ABCC10: variants seen among roughly 807,000 people sequenced by gnomAD.
The protein encoded by ABCC10 is ATP binding cassette subfamily C member 10.
A neutral mutation model predicts 143.2 loss-of-function variants in ABCC10; 110 were observed. The ratio of observed to expected loss-of-function variants is 0.77; its 90% CI spans 0.66 to 0.90. The LOEUF is 0.90. ABCC10 is among the 40% of genes least tolerant of loss of function. The pLI is 0.00. For synonymous variants in ABCC10, 805 were observed against 846.7 expected, an observed-to-expected ratio of 0.95 and a Z score of 0.85; for missense variants, 1,700 against 1,900.5, an observed-to-expected ratio of 0.89 and a Z score of 1.96.
In ABCC10 at chr6:43,447,675, C is replaced by T; in HGVS notation, c.3706-9C>T. 1.2e-6 allele frequency: 2 copies of T among 1,613,822 alleles called. No individual in the cohort carries two copies. Among genetic ancestry groups the T allele is most frequent in the Non-Finnish European group, 8.5e-7 (1 of 1,179,846 alleles). On this transcript the variant is annotated splice_polypyrimidine_tract_variant and intron_variant, in intron 17 of 21. Coordinates refer to ENST00000372530, the MANE Select transcript of ABCC10 (RefSeq NM_001198934.2). ...TCCCCGTCTGTCTCCCACCCATGGA[C>T]CCCACCAGCTGGGCACCGGCTGGCT...
At chr6:43,449,825 G>A (rs371736158) in intron 21 of ABCC10, 104 bp from the exon 22 acceptor site, 2 of 1,365,934 alleles carry the variant, frequency 1.5e-6, no homozygotes, top group South Asian at 2.6e-5. Flanking sequence ...AGCCTGTGGG[G>A]ACAGACCTGT....
chr6:43,436,597 G>A (rs372684825), intron 6 of ABCC10, among the ~76,000 whole-genome samples: 2 of 152,324 alleles, frequency 1.3e-5, no homozygotes, highest in South Asian at 4.1e-4. Flanking sequence ...GAGAGGCCCA[G>A]CAAGTGCTTC....
intron 8 of ABCC10, 58 bp from the exon 9 acceptor site, chr6:43,441,804 G>T: frequency 7.1e-7 from 1 of 1,413,024 alleles, no homozygotes; most frequent in South Asian, 1.2e-5. Flanking sequence ...AAAGGGATAG[G>T]AAGTGGGCCA....
intron 7 of ABCC10, 22 bp downstream of exon 7, chr6:43,438,035 C>T: frequency 6.2e-7 from 1 of 1,604,622 alleles, no homozygotes; most frequent in Non-Finnish European, 8.5e-7. Context: ...CCTATGCACC[C>T]CTGTCCTTAC....
intron 15 of ABCC10, 92 bp downstream of exon 15, chr6:43,446,034 C>A: frequency 7.2e-7 from 1 of 1,397,232 alleles, no homozygotes; most frequent in Non-Finnish European, 9.6e-7. Flanking sequence ...ATGGTTGGTT[C>A]AGCCCTCCTG....
chr6:43,431,643 T>C (rs766440951), intron 2 of ABCC10: 5 of 267,774 alleles, frequency 1.9e-5, no homozygotes, highest in Non-Finnish European at 2.9e-5. Context: ...ATTACAGGCG[T>C]GAGCCACGGC....
In ABCC10 at chr6:43,447,325, A is replaced by T. The variant is rs1380230162; in HGVS notation, c.3622A>T (p.Thr1208Ser). The stretch of plus-strand genomic sequence containing the variant: ...GGGCCTGGTGAGCAGCTTCACACAG[A>T]CAGAGGCCATGCTGGTGAGCGTCGA... ...LSGLVSSFTQ[T>S]EAMLVSVERL... is the part of the protein sequence containing the mutation. Residue 1208 changes from threonine to serine, a missense_variant, in exon 17 of 22, where the codon ACA becomes TCA. Thr to Ser is a moderately conservative substitution (Grantham distance 58). Coordinates refer to ENST00000372530, the MANE Select transcript of ABCC10 (RefSeq NM_001198934.2). 1 of 1,613,482 alleles carries T rather than the reference A, an allele frequency of 6.2e-7. No individual in the cohort carries two copies. The highest frequency in any genetic ancestry group is 1.3e-5 in the African/African-American group (1 of 74,892).
intron 2 of ABCC10, among the ~76,000 whole-genome samples, chr6:43,429,478 G>A (rs144318380): frequency 1.0e-3 from 153 of 148,860 alleles, no homozygotes; most frequent in African/African-American, 3.7e-3. Context: ...TGTTGCCCAG[G>A]CTGAAGTACA....
chr6:43,445,376 C>T (rs1782938976), intron 14 of ABCC10, 62 bp downstream of exon 14: 1 of 1,534,128 alleles, frequency 6.5e-7, no homozygotes, highest in Non-Finnish European at 8.9e-7. Context: ...AGTGTCCTCC[C>T]AATACTCGGG....
chr6:43,437,591 C>T (rs1022807449), intron 6 of ABCC10, among the ~76,000 whole-genome samples: 2 of 152,136 alleles, frequency 1.3e-5, no homozygotes, highest in African/African-American at 4.8e-5. Flanking sequence ...TGGAATTCTA[C>T]CCTTCCCTCT....
In ABCC10 at chr6:43,443,107, G is replaced by A. The variant is rs998509753; in HGVS notation, c.2364G>A (p.Leu788=). ...TCTGCACCCACCGCACTGAGTACCT[G>A]GAGAGGGCTGACGCGGTGCTGCTGA... ...RLLCTHRTEY[L]ERADAVLLME... is the part of the protein sequence containing the mutation. The change falls in exon 10 of 22, where the codon CTG becomes CTA. Residue 788 remains leucine, a synonymous_variant. Transcript: ENST00000372530. The surrounding 1 kb of genome is among the most constrained non-coding windows in gnomAD (Gnocchi z 4.2). 3.1e-6 allele frequency: 5 copies of A among 1,611,434 alleles called. No homozygotes were observed. The highest frequency in any genetic ancestry group is 4.2e-6 in the Non-Finnish European group (5 of 1,179,900).
In ABCC10 at chr6:43,432,389, G is replaced by T; in HGVS notation, c.409G>T (p.Ala137Ser). The part of the protein sequence containing the change: ...HGHSRGPLAL[A>S]LVALLPAPAL... ...CCACTCCCGGGGTCCCTTGGCCTTG[G>T]CCCTGGTAGCCTTGCTGCCAGCTCC... is the stretch of plus-strand genomic sequence containing the variant. Residue 137 changes from alanine to serine, a missense_variant, in exon 3 of 22, where the codon GCC becomes TCC. Transcript: ENST00000372530. 6.2e-7 allele frequency: 1 copy of T among 1,612,520 alleles called. No individual in the cohort carries two copies. Among genetic ancestry groups the T allele is most frequent in the Non-Finnish European group, 8.5e-7 (1 of 1,180,026 alleles).
At chr6:43,433,521 T>C (rs1162359591) in intron 3 of ABCC10, among the ~76,000 whole-genome samples, 161 bp downstream of exon 3, 1 of 152,210 alleles carries the variant, frequency 6.6e-6, no homozygotes, top group African/African-American at 2.4e-5. Flanking sequence ...GCTCTACACT[T>C]ACTGGTTCAA....
Position 43,445,648 on chromosome 6 carries a change from G to T in ABCC10, c.3080G>T (p.Arg1027Leu). 2 of 1,613,954 alleles carry T rather than the reference G, an allele frequency of 1.2e-6. No individual in the cohort carries two copies. Among genetic ancestry groups the T allele is most frequent in the South Asian group, 1.1e-5 (1 of 91,080 alleles). ...NATPTGRILNRFSSDVACADD... is the reference protein window; with the variant it reads ...NATPTGRILNLFSSDVACADD... Reference sequence around the variant, plus strand: ...ACACCCACGGGCCGGATCCTAAACCGCTTCTCCTCTGATGTGGCCTGTGCG... The same window carrying T: ...ACACCCACGGGCCGGATCCTAAACCTCTTCTCCTCTGATGTGGCCTGTGCG... Residue 1027 changes from arginine (R) to leucine (L), a missense_variant, in exon 15 of 22, where the codon CGC becomes CTC. Arg to Leu is a moderately radical substitution (Grantham distance 102, BLOSUM62 -2). Coordinates refer to ENST00000372530, the MANE Select transcript of ABCC10 (RefSeq NM_001198934.2).
At chr6:43,436,050 T>C in intron 5 of ABCC10, 88 bp from the exon 6 acceptor site, 16 of 1,606,090 alleles carry the variant, frequency 1.0e-5, no homozygotes, top group Non-Finnish European at 1.3e-5. Context: ...CAGGTAGATA[T>C]GGGGCTGGCA....
intron 3 of ABCC10, 64 bp downstream of exon 3, chr6:43,433,424 T>A: frequency 6.6e-7 from 1 of 1,516,098 alleles, no homozygotes; most frequent in Non-Finnish European, 8.8e-7. Flanking sequence ...TCCCCAGGTC[T>A]TCCCATGCAC....
chr6:43,429,371 CTTGTGTGTGTGT>C (rs1780866687), intron 2 of ABCC10, among the ~76,000 whole-genome samples: 2 of 79,538 alleles, frequency 2.5e-5, no homozygotes, highest in East Asian at 2.7e-4. Context: ...TCTTTTCTTT[CTTGTGTGTGTGT>C]GTGTGTGTGT....
In ABCC10 at chr6:43,444,295, G is replaced by T. The variant is rs1466796175; in HGVS notation, c.2631G>T (p.Trp877Cys). The change falls in exon 12 of 22, where the codon TGG becomes TGT. Residue 877 changes from tryptophan (W) to cysteine (C), a missense_variant. By Grantham distance (215) the Trp-to-Cys change is radical. Coordinates refer to ENST00000372530, the MANE Select transcript of ABCC10 (RefSeq NM_001198934.2). ...CCTTGCACGTGTACCAAGCTTACTGGAAGGCCGTGGGCCAGGGCTTGGCCT... is the reference window on the plus strand; with the variant it reads ...CCTTGCACGTGTACCAAGCTTACTGTAAGGCCGTGGGCCAGGGCTTGGCCT... ...AVALHVYQAY[W>C]KAVGQGLALA... 5 of 1,614,076 alleles carry T rather than the reference G, an allele frequency of 3.1e-6. No individual in the cohort carries two copies. Among genetic ancestry groups the T allele is most frequent in the Non-Finnish European group, 4.2e-6 (5 of 1,180,008 alleles).
At chr6:43,438,561 G>A (rs1320507089) in intron 7 of ABCC10, 63 bp from the exon 8 acceptor site, 11 of 1,577,934 alleles carry the variant, frequency 7.0e-6, no homozygotes, top group Admixed American at 3.5e-5. Context: ...AGGAGTCAAG[G>A]GCTGGGCATG....
Sources: allele counts gnomAD v4.1 joint callset (sites outside exome capture counted in the v4.1 genomes callset), GRCh38; gene constraint gnomAD v4.1.1; non-coding constraint Gnocchi (gnomAD v3.1); transcripts MANE v1.5; gene names NCBI Gene and HGNC (gene_info 2026-07-23, HGNC 2026-07-21).